The following CNTN4 variants were observed in gnomAD, a reference collection of about 807,000 sequenced individuals.
CNTN4 encodes contactin 4, also known as contactin-4.
CNTN4 carries 77 observed loss-of-function variants against 122.5 expected under a neutral mutation model. That is an observed-to-expected ratio of 0.63 (90% CI 0.52 to 0.76). The LOEUF is 0.76. CNTN4 is among the 30% of genes least tolerant of loss of function. The pLI is 0.00. For synonymous variants in CNTN4, 512 were observed against 447.0 expected (o/e 1.15, Z -1.83); for missense variants, 1,256 against 1,259.1 (o/e 1.00, Z 0.04).
intron 2 of CNTN4, among the ~76,000 whole-genome samples, chr3:2,208,371 A>C (rs1003216706): frequency 2.0e-5 from 3 of 152,102 alleles, no homozygotes; most frequent in Admixed American, 2.0e-4. Context: ...AGAGAACTGG[A>C]ATTAGAAACA....
At chr3:2,479,629 G>A (rs1390190635) in intron 3 of CNTN4, among the ~76,000 whole-genome samples, 1 of 152,182 alleles carries the variant, frequency 6.6e-6, no homozygotes, top group Non-Finnish European at 1.5e-5. Context: ...GGAGGGACTT[G>A]CATGCTAGGA....
At chr3:2,543,943 C>T (rs1575925637) in intron 3 of CNTN4, among the ~76,000 whole-genome samples, 1 of 152,116 alleles carries the variant, frequency 6.6e-6, no homozygotes, top group East Asian at 1.9e-4. Flanking sequence ...AAGGAAGCGA[C>T]AAGCCTCTGT....
intron 3 of CNTN4, among the ~76,000 whole-genome samples, chr3:2,447,208 G>C (rs1483014259): frequency 6.6e-6 from 1 of 151,840 alleles, no homozygotes; most frequent in East Asian, 1.9e-4. Context: ...TCTTTTCCCA[G>C]TACCCCACCT....
At chr3:3,027,097 G>T (rs540464507) in intron 15 of CNTN4, among the ~76,000 whole-genome samples, 102 of 152,198 alleles carry the variant, frequency 6.7e-4, no homozygotes, top group Admixed American at 1.1e-3. Context: ...CCCCCTTTAC[G>T]TTGAGAATAA....
chr3:2,497,683 C>T (rs2076488748), intron 3 of CNTN4, among the ~76,000 whole-genome samples: 1 of 152,064 alleles, frequency 6.6e-6, no homozygotes, highest in Admixed American at 6.6e-5. Context: ...ATGTCATTTT[C>T]CTGTTCTTGC....
chr3:2,357,400 T>G (rs546116348), intron 3 of CNTN4, among the ~76,000 whole-genome samples: 87 of 152,338 alleles, frequency 5.7e-4, no homozygotes, highest in African/African-American at 2.0e-3. Context: ...CTTAAGGGAC[T>G]AATATTTATT....
chr3:2,628,927 G>T lies in CNTN4; in HGVS notation c.55+57369G>T, dbSNP rs142435646. On this transcript the variant is annotated intron_variant, in intron 4 of 24. Transcript: ENST00000418658. ...TTGTCTGAGAAAAGCTTCCCCAGTTGTGTGGCAAATAGGTTAGGAGGCCTA... is the reference window on the plus strand; with the variant it reads ...TTGTCTGAGAAAAGCTTCCCCAGTTTTGTGGCAAATAGGTTAGGAGGCCTA... Among the ~76,000 whole-genome samples the T allele has an allele frequency of 6.1e-3, 923 of 152,300 alleles. 3 individuals are homozygous for T. Among genetic ancestry groups the T allele is most frequent in the African/African-American group, 0.02 (828 of 41,556 alleles).
chr3:2,472,491 G>T (rs1295828350), intron 3 of CNTN4, among the ~76,000 whole-genome samples: 1 of 152,032 alleles, frequency 6.6e-6, no homozygotes, highest in Non-Finnish European at 1.5e-5. Context: ...CACCTGCCTC[G>T]GCGTCCCAAA....
intron 2 of CNTN4, among the ~76,000 whole-genome samples, chr3:2,169,649 C>G (rs546524049): frequency 0.015 from 2,227 of 151,742 alleles, 23 homozygotes; most frequent in Non-Finnish European, 0.024. Context: ...CACCCGCCTC[C>G]GCCTCCCAAA....
intron 2 of CNTN4, among the ~76,000 whole-genome samples, chr3:2,202,437 GC>G (rs1332190408): frequency 6.6e-6 from 1 of 152,128 alleles, no homozygotes; most frequent in Non-Finnish European, 1.5e-5. Flanking sequence ...TTGAATTTCA[GC>G]TTAGAGGCAG....
chr3:2,690,995 TAGGGAAGACCACG>T (rs2085707743), intron 4 of CNTN4, among the ~76,000 whole-genome samples: 1 of 152,166 alleles, frequency 6.6e-6, no homozygotes, highest in Non-Finnish European at 1.5e-5. Flanking sequence ...GAATACAGTA[TAGGGAAGACCACG>T]TGAGAAACTG....
chr3:2,890,835 A>G (rs542391761), intron 10 of CNTN4, among the ~76,000 whole-genome samples: 31 of 152,332 alleles, frequency 2.0e-4, no homozygotes, highest in African/African-American at 7.2e-4. Context: ...TGTTTTTGCT[A>G]TAACCTGTAC....
At chr3:2,201,185 G>A (rs2038080693) in intron 2 of CNTN4, among the ~76,000 whole-genome samples, 2 of 152,070 alleles carry the variant, frequency 1.3e-5, no homozygotes, top group South Asian at 4.1e-4. Context: ...ACAGGACAGG[G>A]CATTTGCCCT....
At chr3:2,934,439 A>G (rs1440137081) in intron 13 of CNTN4, among the ~76,000 whole-genome samples, 2 of 152,254 alleles carry the variant, frequency 1.3e-5, no homozygotes, top group Admixed American at 6.5e-5. Context: ...AAGACATGGA[A>G]GGAAATCCCA....
At chr3:2,843,409 A>C (rs1577025737) in intron 7 of CNTN4, among the ~76,000 whole-genome samples, 1 of 152,232 alleles carries the variant, frequency 6.6e-6, no homozygotes, top group South Asian at 2.1e-4. Context: ...GAGCTTCCTA[A>C]CTGGTGTCCC....
chr3:2,949,036 A>G (rs571678844), intron 13 of CNTN4, among the ~76,000 whole-genome samples: 5 of 152,026 alleles, frequency 3.3e-5, no homozygotes, highest in Admixed American at 3.3e-4. Flanking sequence ...GCCCCTACTT[A>G]TCTCTCTGAC....
intron 2 of CNTN4, among the ~76,000 whole-genome samples, chr3:2,316,933 CCATAT>C (rs1559447039): frequency 1.3e-5 from 2 of 152,042 alleles, no homozygotes; most frequent in Admixed American, 1.3e-4. Context: ...GACAGTGATC[CCATAT>C]ATTTCTTCCT....
chr3:2,183,394 C>A (rs1467917036), intron 2 of CNTN4, among the ~76,000 whole-genome samples: 1 of 152,160 alleles, frequency 6.6e-6, no homozygotes, highest in Non-Finnish European at 1.5e-5. Flanking sequence ...TCCGTAATAA[C>A]AATAGGATTC....
chr3:2,572,827 C>T (rs1226903151), intron 4 of CNTN4, among the ~76,000 whole-genome samples: 1 of 152,136 alleles, frequency 6.6e-6, no homozygotes, highest in African/African-American at 2.4e-5. Context: ...GCTGTAACTT[C>T]TGACAACTTG....
Sources: gnomAD v4.1 joint callset for allele counts (sites outside exome capture counted in the v4.1 genomes callset) on GRCh38, gnomAD v4.1.1 for gene constraint, MANE v1.5 for transcripts, NCBI Gene and HGNC (gene_info 2026-07-23, HGNC 2026-07-21) for gene names.